The following CAMTA1 variants were observed in gnomAD, a reference collection of about 807,000 sequenced individuals.
CAMTA1 encodes calmodulin-binding transcription activator 1.
CAMTA1 carries 27 observed loss-of-function variants against 170.9 expected under a neutral mutation model. The observed-to-expected ratio is 0.16, with a 90% CI of 0.12 to 0.22. CAMTA1 has a LOEUF of 0.22. Among genes scored for constraint, CAMTA1 ranks in the 10% least tolerant of loss-of-function variants. The pLI is 1.00. For synonymous variants in CAMTA1, 833 were observed against 891.5 expected (o/e 0.93, Z 1.17); for missense variants, 1,619 against 2,217.2 (o/e 0.73, Z 5.42).
chr1:7,436,849 C>T (rs1335194373), intron 5 of CAMTA1, among the ~76,000 whole-genome samples: 1 of 152,036 alleles, frequency 6.6e-6, no homozygotes, highest in Non-Finnish European at 1.5e-5. Flanking sequence ...GAGCTGAGGG[C>T]CCTGCAATCT....
At position 7,592,145 on chromosome 1, in the gene CAMTA1, C is replaced by T. The variant is rs189771546; in HGVS notation, c.511-48255C>T. ...AACTCCTGACCTCAGATGATCTGCC[C>T]GCCTCAACCTCCCAAAGTGCTAGGA... is the stretch of plus-strand genomic sequence containing the variant. On this transcript the variant is annotated intron_variant, in intron 6 of 22. Coordinates refer to ENST00000303635, the MANE Select transcript of CAMTA1 (RefSeq NM_015215.4). The surrounding 1 kb of genome is among the most constrained non-coding windows in gnomAD (Gnocchi z 4.6). Among the ~76,000 whole-genome samples the T allele has an allele frequency of 2.6e-5, 4 of 152,246 alleles. No homozygotes were observed. The highest frequency in any genetic ancestry group is 4.4e-5 in the Non-Finnish European group (3 of 68,030).
intron 5 of CAMTA1, among the ~76,000 whole-genome samples, chr1:7,357,061 T>C (rs2085171586): frequency 6.6e-6 from 1 of 152,150 alleles, no homozygotes; most frequent in Non-Finnish European, 1.5e-5. Flanking sequence ...TTCTGGCATC[T>C]CCAGCTCCAG....
chr1:7,401,803 T>C (rs541414138), intron 5 of CAMTA1, among the ~76,000 whole-genome samples: 9 of 152,350 alleles, frequency 5.9e-5, no homozygotes, highest in African/African-American at 1.4e-4. Flanking sequence ...AAATGCAGTT[T>C]ATTTTTGGTT....
chr1:7,582,355 T>C (rs2095268594), intron 6 of CAMTA1, among the ~76,000 whole-genome samples: 1 of 152,120 alleles, frequency 6.6e-6, no homozygotes, highest in African/African-American at 2.4e-5. Context: ...CTCAGTGCCC[T>C]GATTCACCCA....
chr1:7,221,310 A>G (rs1660721855), intron 4 of CAMTA1, among the ~76,000 whole-genome samples: 1 of 151,534 alleles, frequency 6.6e-6, no homozygotes, highest in South Asian at 2.1e-4. Flanking sequence ...TCACTCAAGC[A>G]CTTGATGGGT....
chr1:7,074,641 A>G (rs186240894), intron 3 of CAMTA1, among the ~76,000 whole-genome samples: 39 of 152,284 alleles, frequency 2.6e-4, no homozygotes, highest in Admixed American at 1.8e-3. Context: ...TGTGCCAGGG[A>G]ATCTTTACAT....
chr1:6,809,641 A>G (rs556427994), intron 1 of CAMTA1, among the ~76,000 whole-genome samples: 20 of 152,196 alleles, frequency 1.3e-4, no homozygotes, highest in Non-Finnish European at 2.4e-4. Flanking sequence ...TAGAAGTCAC[A>G]GTTGTGAGTG....
rs182143844 is a variant in CAMTA1 at position 7,111,482 on chromosome 1, C to T, written c.302+20111C>T. ...TAAGAGCATGGGCTCTGGGGACAGACAGGCTTGCACCCATCTTAACTCTGC... is the reference window on the plus strand; with the variant it reads ...TAAGAGCATGGGCTCTGGGGACAGATAGGCTTGCACCCATCTTAACTCTGC... On this transcript the variant is annotated intron_variant, in intron 4 of 22. Transcript: ENST00000303635. Among the ~76,000 whole-genome samples, 19 of 152,326 alleles carry T rather than the reference C, an allele frequency of 1.2e-4. No individual in the cohort carries two copies. In the East Asian group the frequency reaches 3.7e-3, roughly 29 times the overall value.
rs2096080025 is a variant in CAMTA1, at chr1:7,673,564, A to C, written c.2779+2527A>C. 6.6e-6 allele frequency among the ~76,000 whole-genome samples: 1 copy of C among 152,146 alleles called. No individual in the cohort carries two copies. The highest frequency in any genetic ancestry group is 1.5e-5 in the Non-Finnish European group (1 of 68,030). On this transcript the variant is annotated intron_variant, in intron 10 of 22. Coordinates refer to ENST00000303635, the MANE Select transcript of CAMTA1 (RefSeq NM_015215.4). This position sits in a 1 kb window ranked among gnomAD's most constrained non-coding sequence, Gnocchi z 4.6. ...GAGATGGCAGGTAGAGTCTCTGCCC[A>C]GGCCACTCACCCTCCTAGCTGTTCA...
chr1:7,652,454 C>T (rs573751050), intron 7 of CAMTA1, among the ~76,000 whole-genome samples: 82 of 152,286 alleles, frequency 5.4e-4, no homozygotes, highest in African/African-American at 1.8e-3. Flanking sequence ...GACCTGACCC[C>T]GAAGTGAGGA....
chr1:7,106,284 GAGA>G (rs1045782664), intron 4 of CAMTA1, among the ~76,000 whole-genome samples: 3 of 151,854 alleles, frequency 2.0e-5, no homozygotes, highest in African/African-American at 2.4e-5. Flanking sequence ...AAGAAAGAAG[GAGA>G]AGAAGGAGGA....
chr1:6,914,347 C>G (rs1680340362), intron 3 of CAMTA1, among the ~76,000 whole-genome samples: 1 of 152,236 alleles, frequency 6.6e-6, no homozygotes, highest in African/African-American at 2.4e-5. Context: ...AGGTGATCTG[C>G]TGCCTTGGCC....
At chr1:7,127,180 A>T (rs1241996458) in intron 4 of CAMTA1, among the ~76,000 whole-genome samples, 1 of 149,406 alleles carries the variant, frequency 6.7e-6, no homozygotes, top group East Asian at 2.0e-4. Context: ...ACCCCAGGGG[A>T]ATTCTCTGAT....
intron 1 of CAMTA1, among the ~76,000 whole-genome samples, chr1:6,799,773 GTC>G (rs777644715): frequency 2.6e-5 from 4 of 151,522 alleles, no homozygotes; most frequent in Non-Finnish European, 4.4e-5. Flanking sequence ...TGTGAATGTG[GTC>G]TCTCTCTCTC....
At chr1:7,747,003 TC>T (rs2096861804) in intron 18 of CAMTA1, among the ~76,000 whole-genome samples, 2 of 152,214 alleles carry the variant, frequency 1.3e-5, no homozygotes, top group Admixed American at 1.3e-4. Flanking sequence ...AAAACAAATT[TC>T]ATGAGTTCAT....
At chr1:6,990,525 T>C (rs1233371827) in intron 3 of CAMTA1, among the ~76,000 whole-genome samples, 1 of 152,206 alleles carries the variant, frequency 6.6e-6, no homozygotes, top group Non-Finnish European at 1.5e-5. Context: ...ATTTACTTTT[T>C]AAGGTAAAAT....
intron 6 of CAMTA1, among the ~76,000 whole-genome samples, chr1:7,548,751 G>C (rs1434256862): frequency 3.2e-5 from 3 of 93,892 alleles, no homozygotes; most frequent in Admixed American, 1.1e-4. Flanking sequence ...CCCTTGCAGG[G>C]TTCCTCTTAG....
At chr1:6,917,459 G>A (rs1204060221) in intron 3 of CAMTA1, among the ~76,000 whole-genome samples, 1 of 151,894 alleles carries the variant, frequency 6.6e-6, no homozygotes, top group Non-Finnish European at 1.5e-5. Flanking sequence ...CTAGGTGACA[G>A]TTGGCCCAGA....
chr1:7,658,843 C>T (rs1333610317), intron 7 of CAMTA1, among the ~76,000 whole-genome samples: 2 of 152,220 alleles, frequency 1.3e-5, no homozygotes, highest in African/African-American at 4.8e-5. Flanking sequence ...GGACAAGGTG[C>T]TTAGGGGGAT....
Sources: gnomAD v4.1 joint callset for allele counts (sites outside exome capture counted in the v4.1 genomes callset) on GRCh38, gnomAD v4.1.1 for gene constraint, Gnocchi (gnomAD v3.1) non-coding constraint, MANE v1.5 for transcripts, NCBI Gene and HGNC (gene_info 2026-07-23, HGNC 2026-07-21) for gene names.